Variants in TBC1D17 observed in about 807,000 individuals in gnomAD.
The protein encoded by TBC1D17 is TBC1 domain family member 17, also known as TBC1 domain family, member 17.
Under a neutral mutation model 78.8 loss-of-function variants are expected in TBC1D17, and 69 were observed. The ratio of observed to expected loss-of-function variants is 0.88; its 90% CI spans 0.72 to 1.07. The LOEUF (loss-of-function observed/expected upper bound fraction) is 1.07, where lower values mean the gene tolerates loss of function less well. Among genes scored for constraint, TBC1D17 ranks in the 50% least tolerant of loss-of-function variants. TBC1D17 has a pLI of 0.00. For synonymous variants in TBC1D17, 456 were observed against 358.3 expected (o/e 1.27, Z -3.08); for missense variants, 957 against 861.0 (o/e 1.11, Z -1.39).
chr19:49,885,144 A>T (rs775534950), intron 13 of TBC1D17: 1 of 261,816 alleles, frequency 3.8e-6, no homozygotes, highest in Non-Finnish European at 7.5e-6. Context: ...GCTGCATCCC[A>T]GCTTTAACAT....
rs1454149795 is a variant in TBC1D17 at position 49,887,161 on chromosome 19, G to C, written c.1445-315G>C. 8 of 371,044 alleles carry C rather than the reference G, an allele frequency of 2.2e-5. No individual in the cohort carries two copies. In the East Asian group the frequency reaches 3.3e-4, roughly 15 times the overall value. 23.0% of individuals were successfully genotyped at this position (371,044 alleles called of 1,614,324 possible). On this transcript the variant is annotated intron_variant, in intron 13 of 16. Coordinates refer to ENST00000221543, the MANE Select transcript of TBC1D17 (RefSeq NM_024682.3). ...CTTCAGCTTAAATTTTTGCTACAGC[G>C]TATCTAGGAGTGTCAGTTCCCTTAG...
rs11882200 is a variant in TBC1D17, at chr19:49,882,862, C to A, written c.897C>A (p.Val299=). ...GCCCTGAAGGTCGCCTGCAGCAGGT[C>A]CCTGAGCTGAAGAACCGGATCTTCT... ...HVGPEGRLQQ[V]PELKNRIFSG... The change falls in exon 8 of 17, where the codon GTC becomes GTA. Residue 299 remains valine, a synonymous_variant. Coordinates refer to ENST00000221543, the MANE Select transcript of TBC1D17 (RefSeq NM_024682.3). The A allele has an allele frequency of 9.3e-6, 15 of 1,610,552 alleles. No individual in the cohort carries two copies. In the African/African-American group the frequency reaches 2.0e-4, roughly 22 times the overall value.
rs544490332 is a variant in TBC1D17, at chr19:49,884,463, C to T, written c.1248C>T (p.Tyr416=). Residue 416 remains tyrosine (Y), a synonymous_variant, in exon 12 of 17, where the codon TAC becomes TAT. Transcript: ENST00000221543. ...CCTGACCCCATGTCCCCCCAGGCTACGTCCAGGGCATGAGTGATCTTCTCT... is the reference window on the plus strand; with the variant it reads ...CCTGACCCCATGTCCCCCCAGGCTATGTCCAGGGCATGAGTGATCTTCTCT... ...TYCMYHFDLG[Y]VQGMSDLLSP... 1.7e-5 allele frequency: 28 copies of T among 1,614,072 alleles called. No individual in the cohort carries two copies. The South Asian group carries it at 1.9e-4, about 11-fold the overall frequency.
Position 49,887,731 on chromosome 19 carries a change from G to A in TBC1D17, c.1556G>A (p.Gly519Glu). 6.2e-7 allele frequency: 1 copy of A among 1,613,836 alleles called. No homozygotes were observed. The highest frequency in any genetic ancestry group is 8.5e-7 in the Non-Finnish European group (1 of 1,179,948). ...VLRLWEVLWT[G>E]LPGPNLHLLV... ...CCGCACCCTCAGGTGCTGTGGACAG[G>A]GCTCCCTGGCCCCAATCTGCACCTG... The change falls in exon 15 of 17, where the codon GGG (glycine) becomes GAG (glutamate). Residue 519 changes from glycine (G) to glutamate (E), a missense_variant. Physicochemically the swap from Gly to Glu is moderately conservative, Grantham distance 98. Coordinates refer to ENST00000221543, the MANE Select transcript of TBC1D17 (RefSeq NM_024682.3).
chr19:49,883,841 G>A, intron 10 of TBC1D17, 96 bp downstream of exon 10: 1 of 1,060,058 alleles, frequency 9.4e-7, no homozygotes, highest in Non-Finnish European at 1.4e-6. Context: ...GGAGCCCCCT[G>A]CCTCCCCAAG....
At chr19:49,881,209 TTGA>T in intron 4 of TBC1D17, 56 bp from the exon 5 acceptor site, 1 of 1,501,312 alleles carries the variant, frequency 6.7e-7, no homozygotes. Context: ...TGGGTTGTGG[TTGA>T]TAAGGCTGAC....
intron 15 of TBC1D17, 96 bp from the exon 16 acceptor site, chr19:49,888,135 G>C (rs2075077742): frequency 6.5e-7 from 1 of 1,538,260 alleles, no homozygotes; most frequent in Non-Finnish European, 8.8e-7. Context: ...GGCCAGCCCG[G>C]TGTGTCTTCA....
chr19:49,884,812 A>G, intron 13 of TBC1D17, 54 bp downstream of exon 13: 1 of 1,519,422 alleles, frequency 6.6e-7, no homozygotes, highest in South Asian at 1.1e-5. Flanking sequence ...ACCTTGCCAG[A>G]TTCTCTGGTA....
intron 4 of TBC1D17, 102 bp from the exon 5 acceptor site, chr19:49,881,166 C>A: frequency 1.0e-6 from 1 of 982,542 alleles, no homozygotes; most frequent in Non-Finnish European, 1.5e-6. Context: ...TGTGGCGGGG[C>A]CCTCAGGAGA....
rs892330009 is a variant in TBC1D17 at position 49,887,854 on chromosome 19, C to T, written c.1659+20C>T. Reference sequence around the variant, plus strand: ...CTCAAGGTGAGGCTCCGGCCCCGCCCCCGCCCTGTCCCCCCTGAGCTGGGC... The same window carrying T: ...CTCAAGGTGAGGCTCCGGCCCCGCCTCCGCCCTGTCCCCCCTGAGCTGGGC... On this transcript the variant is annotated intron_variant, in intron 15 of 16. Coordinates refer to ENST00000221543, the MANE Select transcript of TBC1D17 (RefSeq NM_024682.3). The T allele has an allele frequency of 6.3e-7, 1 of 1,581,850 alleles. No homozygotes were observed. The highest frequency in any genetic ancestry group is 8.6e-7 in the Non-Finnish European group (1 of 1,161,034).
At position 49,878,500 on chromosome 19, in the gene TBC1D17, C is replaced by T. The variant is rs143676147; in HGVS notation, c.123C>T (p.Asp41=). The change falls in exon 3 of 17, where the codon GAC becomes GAT. Residue 41 remains aspartate (D), a splice_region_variant and synonymous_variant. Coordinates refer to ENST00000221543, the MANE Select transcript of TBC1D17 (RefSeq NM_024682.3). ...IAGVIRVVEK[D]NDVLLHWAPV... is the part of the protein sequence containing the mutation. ...CCCCGCCTCCCTCCTTACCCTAGGA[C>T]AATGACGTCCTCCTGCACTGGGCTC... is the stretch of plus-strand genomic sequence containing the variant. The T allele has an allele frequency of 5.8e-5, 94 of 1,614,040 alleles. No individual in the cohort carries two copies. In the African/African-American group the frequency reaches 1.2e-3, roughly 21 times the overall value.
intron 13 of TBC1D17, among the ~76,000 whole-genome samples, chr19:49,886,254 C>CAAA (rs111725968): frequency 6.7e-6 from 1 of 149,654 alleles, no homozygotes; most frequent in African/African-American, 2.4e-5. Flanking sequence ...GACTTTGTCT[C>CAAA]AAAAAAAAAG....
At chr19:49,883,118 G>C (rs752760066) in intron 9 of TBC1D17, 42 bp downstream of exon 9, 1 of 1,559,562 alleles carries the variant, frequency 6.4e-7, no homozygotes, top group South Asian at 1.2e-5. Flanking sequence ...CATGACACCT[G>C]GTACCTCCTA....
chr19:49,884,232 C>A (rs747430029), intron 10 of TBC1D17, 21 bp from the exon 11 acceptor site: 4 of 1,610,182 alleles, frequency 2.5e-6, no homozygotes, highest in Non-Finnish European at 1.7e-6. Context: ...CACCTTTGCA[C>A]CCTGTGCCCG....
chr19:49,886,377 G>C (rs180938095), intron 13 of TBC1D17, among the ~76,000 whole-genome samples: 329 of 152,240 alleles, frequency 2.2e-3, no homozygotes, highest in Non-Finnish European at 3.6e-3. Flanking sequence ...TAGGACCCCC[G>C]GGGGAGGGAG....
At chr19:49,886,838 C>T (rs2075062595) in intron 13 of TBC1D17, 2 of 152,676 alleles carry the variant, frequency 1.3e-5, no homozygotes, top group African/African-American at 4.8e-5. Flanking sequence ...CTCTGTTACC[C>T]AGGCTGGAGT....
Position 49,881,349 on chromosome 19 carries a change from C to G in TBC1D17, c.401C>G (p.Pro134Arg). 1.2e-6 allele frequency: 2 copies of G among 1,613,390 alleles called. No homozygotes were observed. The highest frequency in any genetic ancestry group is 1.7e-4 in the Middle Eastern group (1 of 6,060). The change falls in exon 5 of 17, where the codon CCA becomes CGA. Residue 134 changes from proline (P) to arginine (R), a missense_variant. Pro to Arg is a moderately radical substitution (Grantham distance 103). Transcript: ENST00000221543. ...CTAAAGTCCATCCGCCGCTCCAAGC[C>G]AGGCCTCAGCTGGGCCTACCTGGTT... ...GELKSIRRSK[P>R]GLSWAYLVLV...
Position 49,882,326 on chromosome 19 carries a change from C to A in TBC1D17, c.724C>A (p.Pro242Thr), listed in dbSNP as rs1257565931. 1 of 1,611,386 alleles carries A rather than the reference C, an allele frequency of 6.2e-7. No individual in the cohort carries two copies. Among genetic ancestry groups the A allele is most frequent in the African/African-American group, 1.3e-5 (1 of 75,062 alleles). ...NFFRGALQPQ[P>T]EGAASDLPPP... ...CTTCCGGGGTGCCCTGCAGCCACAGCCTGAGGGAGCCGCCTCCGACCTTCC... is the reference window on the plus strand; with the variant it reads ...CTTCCGGGGTGCCCTGCAGCCACAGACTGAGGGAGCCGCCTCCGACCTTCC... Residue 242 changes from proline (P) to threonine (T), a missense_variant, in exon 7 of 17, where the codon CCT (proline) becomes ACT (threonine). Transcript: ENST00000221543.
At chr19:49,885,488 G>A (rs1036341398) in intron 13 of TBC1D17, 10 of 150,904 alleles carry the variant, frequency 6.6e-5, no homozygotes, top group African/African-American at 2.4e-4. Context: ...TTTATTACTT[G>A]GTCAATGTAA....
Sources: gnomAD v4.1 joint callset for allele counts (sites outside exome capture counted in the v4.1 genomes callset) on GRCh38, gnomAD v4.1.1 for gene constraint, MANE v1.5 for transcripts, NCBI Gene and HGNC (gene_info 2026-07-23, HGNC 2026-07-21) for gene names.